Variants in TRIM28 observed in about 807,000 individuals in gnomAD.
TRIM28 encodes the protein transcription intermediary factor 1-beta.
TRIM28 carries 8 observed loss-of-function variants against 87.4 expected under a neutral mutation model. The ratio of observed to expected loss-of-function variants is 0.09; its 90% CI spans 0.05 to 0.17. The LOEUF (loss-of-function observed/expected upper bound fraction) is 0.17, where lower values mean the gene tolerates loss of function less well. Among genes scored for constraint, TRIM28 ranks in the 10% least tolerant of loss-of-function variants. The pLI is 1.00. For missense variants in TRIM28, 968 were observed against 1,131.8 expected (o/e 0.86, Z 2.08); for synonymous variants, 601 against 454.3 (o/e 1.32, Z -4.11).
In TRIM28 at chr19:58,549,328, CAGG is replaced by C; in HGVS notation, c.1669_1671del (p.Glu557del). ...TTGAACACCCCTCATCACCACCTTGCAGGAGGAGGAGACGGAGGCTGCCATTGG... is the reference window on the plus strand; with the variant it reads ...TTGAACACCCCTCATCACCACCTTGCAGGAGGAGACGGAGGCTGCCATTGG... On this transcript the variant is annotated splice_acceptor_variant and coding_sequence_variant, in exon 13 of 17. Coordinates refer to ENST00000253024, the MANE Select transcript of TRIM28 (RefSeq NM_005762.3). LOFTEE classifies it high-confidence loss of function. This position sits in a 1 kb window ranked among gnomAD's most constrained non-coding sequence, Gnocchi z 4.4. 1 of 1,566,752 alleles carries C rather than the reference CAGG, an allele frequency of 6.4e-7. No homozygotes were observed. The highest frequency in any genetic ancestry group is 8.7e-7 in the Non-Finnish European group (1 of 1,153,440).
intron 6 of TRIM28, 33 bp downstream of exon 6, chr19:58,547,939 GC>G: frequency 6.8e-6 from 11 of 1,613,808 alleles, no homozygotes; most frequent in Non-Finnish European, 9.3e-6. Context: ...GGGTCCCTGA[GC>G]CCCCTCTGCT....
rs1403463550 is a variant in TRIM28 at position 58,548,452 on chromosome 19, T to C, written c.1217-34T>C. ...CTCACTCTGTTATTACCCCACGTGC[T>C]GCACCTACTTACGTTTCTCTCTTCT... On this transcript the variant is annotated intron_variant, in intron 8 of 16. Transcript: ENST00000253024. 5 of 1,613,908 alleles carry C rather than the reference T, an allele frequency of 3.1e-6. No homozygotes were observed. The African/African-American group carries it at 6.7e-5, about 22-fold the overall frequency.
At chr19:58,548,704 G>C in intron 9 of TRIM28, 36 bp from the exon 10 acceptor site, 1 of 1,612,508 alleles carries the variant, frequency 6.2e-7, no homozygotes, top group Non-Finnish European at 8.5e-7. Flanking sequence ...TAGGGTTCCT[G>C]TCCCACTGAG....
rs766605488 is a variant in TRIM28 at position 58,550,563 on chromosome 19, C to G, written c.*10C>G. ...TGGTGATGGCCCCTGAGGCTGGAGCCCCCATGGCCAGCCCAGCCTGGCTCT... is the reference window on the plus strand; with the variant it reads ...TGGTGATGGCCCCTGAGGCTGGAGCGCCCATGGCCAGCCCAGCCTGGCTCT... On this transcript the variant is annotated 3_prime_UTR_variant, in exon 17 of 17. Transcript: ENST00000253024. 1 of 1,601,316 alleles carries G rather than the reference C, an allele frequency of 6.2e-7. No individual in the cohort carries two copies. The highest frequency in any genetic ancestry group is 8.5e-7 in the Non-Finnish European group (1 of 1,178,070).
In TRIM28 at chr19:58,545,052, G is replaced by T. The variant is rs1260907292; in HGVS notation, c.295G>T (p.Ala99Ser). ...SACLGPAAPAAANSSGDGGAA... is the reference protein window; with the variant it reads ...SACLGPAAPASANSSGDGGAA... The stretch of plus-strand genomic sequence containing the variant: ...CTGCTTAGGGCCCGCGGCCCCCGCC[G>T]CCGCCAACAGCTCGGGGGACGGCGG... The change falls in exon 1 of 17, where the codon GCC (alanine) becomes TCC (serine). Residue 99 changes from alanine (A) to serine (S), a missense_variant. Ala to Ser is a moderately conservative substitution (Grantham distance 99). This residue lies in a region of TRIM28 where 208 missense variants were observed against 170.9 expected (regional missense o/e 1.22). Transcript: ENST00000253024. 5 of 1,455,604 alleles carry T rather than the reference G, an allele frequency of 3.4e-6. No homozygotes were observed. Among genetic ancestry groups the T allele is most frequent in the Non-Finnish European group, 4.5e-6 (5 of 1,117,382 alleles). The allele number at this position is 1,455,604 out of a possible 1,614,324, so 90.2% of individuals were successfully genotyped here.
At position 58,549,414 on chromosome 19, in the gene TRIM28, G is replaced by A. The variant is rs140928692; in HGVS notation, c.1746G>A (p.Ala582=). 1.0e-5 allele frequency: 16 copies of A among 1,599,270 alleles called. No homozygotes were observed. The highest frequency in any genetic ancestry group is 3.3e-5 in the South Asian group (3 of 90,404). Residue 582 remains alanine, a synonymous_variant, in exon 13 of 17, where the codon GCG becomes GCA. Transcript: ENST00000253024. The surrounding 1 kb of genome is among the most constrained non-coding windows in gnomAD (Gnocchi z 4.4). ...PETKPVLMAL[A]EGPGAEGPRL... is the part of the protein sequence containing the mutation. ...CCAAACCTGTGCTTATGGCTCTTGC[G>A]GAGGGTCCTGGTGCTGAGGGTCCCC...
rs1283950942 is a variant in TRIM28 at position 58,549,937 on chromosome 19, C to T, written c.2107-12C>T. The T allele has an allele frequency of 1.2e-6, 2 of 1,613,908 alleles. No homozygotes were observed. The highest frequency in any genetic ancestry group is 2.2e-5 in the East Asian group (1 of 44,882). On this transcript the variant is annotated splice_polypyrimidine_tract_variant and intron_variant, in intron 14 of 16. Transcript: ENST00000253024. The surrounding 1 kb of genome is among the most constrained non-coding windows in gnomAD (Gnocchi z 4.4). ...CTGCCCAGAGCTGTGACATCCCTTA[C>T]AATGTTTGTAGAAATGTGAGCGTGT...
In TRIM28 at chr19:58,544,912, C is replaced by T. The variant is rs2053746465; in HGVS notation, c.155C>T (p.Ala52Val). ...ASASAAASSP[A>V]GGGAEALELL... ...GCCTCAGCCGCGGCGTCGTCGCCCGCGGGGGGCGGCGCCGAGGCGCTGGAG... is the reference window on the plus strand; with the variant it reads ...GCCTCAGCCGCGGCGTCGTCGCCCGTGGGGGGCGGCGCCGAGGCGCTGGAG... The change falls in exon 1 of 17, where the codon GCG becomes GTG. Residue 52 changes from alanine to valine, a missense_variant. Coordinates refer to ENST00000253024, the MANE Select transcript of TRIM28 (RefSeq NM_005762.3). 6 of 1,390,518 alleles carry T rather than the reference C, an allele frequency of 4.3e-6. No homozygotes were observed. The highest frequency in any genetic ancestry group is 3.7e-5 in the Admixed American group (1 of 27,056). 86.1% of individuals were successfully genotyped at this position (1,390,518 alleles called of 1,614,324 possible).
In TRIM28 at chr19:58,545,565, A is replaced by T. The variant is rs751710039; in HGVS notation, c.453+28A>T. 45 of 1,573,070 alleles carry T rather than the reference A, an allele frequency of 2.9e-5. 1 individual carries two copies. The Admixed American group carries it at 7.1e-4, about 25-fold the overall frequency. On this transcript the variant is annotated intron_variant, in intron 2 of 16. Coordinates refer to ENST00000253024, the MANE Select transcript of TRIM28 (RefSeq NM_005762.3). Reference sequence around the variant, plus strand: ...GCGTCCTATCTCAGCAACCACAAGGAGGTTTCTGGGGAGGGGGCATCTGCG... The same window carrying T: ...GCGTCCTATCTCAGCAACCACAAGGTGGTTTCTGGGGAGGGGGCATCTGCG...
rs1227691641 is a variant in TRIM28, at chr19:58,548,793, A to C, written c.1360+17A>C. ...TTGGGTCAGGTGAGTGGGTCTGCCT[A>C]GTGGGTGGGGAAGGGCCCCAGTGCT... is the stretch of plus-strand genomic sequence containing the variant. On this transcript the variant is annotated intron_variant, in intron 10 of 16. Transcript: ENST00000253024. 2 of 1,613,994 alleles carry C rather than the reference A, an allele frequency of 1.2e-6. No individual in the cohort carries two copies. Among genetic ancestry groups the C allele is most frequent in the Non-Finnish European group, 1.7e-6 (2 of 1,179,948 alleles).
intron 1 of TRIM28, 35 bp from the exon 2 acceptor site, chr19:58,545,390 C>A (rs748410485): frequency 7.8e-6 from 12 of 1,543,256 alleles, no homozygotes; most frequent in Non-Finnish European, 9.8e-6. Context: ...TGGGTGGGAA[C>A]TTGTAACAGT....
At chr19:58,546,837 C>G (rs568139448) in intron 3 of TRIM28, among the ~76,000 whole-genome samples, 6 of 152,052 alleles carry the variant, frequency 3.9e-5, no homozygotes, top group Non-Finnish European at 7.4e-5. Context: ...GGTGTGACCA[C>G]CATTCTGAGG....
intron 3 of TRIM28, among the ~76,000 whole-genome samples, chr19:58,546,439 G>A (rs1444718707): frequency 6.6e-6 from 1 of 152,190 alleles, no homozygotes; most frequent in Non-Finnish European, 1.5e-5. Context: ...AGAGTCTTTT[G>A]AGTCTAGCCA....
chr19:58,550,592 C>A lies in TRIM28; in HGVS notation c.*39C>A. 6.3e-7 allele frequency: 1 copy of A among 1,578,898 alleles called. No homozygotes were observed. Among genetic ancestry groups the A allele is most frequent in the South Asian group, 1.1e-5 (1 of 89,870 alleles). The stretch of plus-strand genomic sequence containing the variant: ...ATGGCCAGCCCAGCCTGGCTCTGTT[C>A]TCTGTCCTGTCACCCCATCCCCACT... On this transcript the variant is annotated 3_prime_UTR_variant, in exon 17 of 17. Transcript: ENST00000253024.
intron 3 of TRIM28, 191 bp from the exon 4 acceptor site, chr19:58,547,185 G>A: frequency 1.6e-6 from 1 of 638,386 alleles, no homozygotes; most frequent in Non-Finnish European, 2.7e-6. Flanking sequence ...CAGCTATGTT[G>A]GGGCAGAGGA....
At position 58,549,366 on chromosome 19, in the gene TRIM28, T is replaced by G. The variant is rs202037782; in HGVS notation, c.1698T>G (p.Pro566=). Residue 566 remains proline (P), a synonymous_variant, in exon 13 of 17, where the codon CCT becomes CCG. Transcript: ENST00000253024. The surrounding 1 kb of genome is among the most constrained non-coding windows in gnomAD (Gnocchi z 4.4). The stretch of plus-strand genomic sequence containing the variant: ...CGGAGGCTGCCATTGGAGCCCCTCC[T>G]ACTGCCACTGAGGGCCCTGAGACCA... ...EETEAAIGAP[P]TATEGPETKP... 208 of 1,571,102 alleles carry G rather than the reference T, an allele frequency of 1.3e-4. No individual in the cohort carries two copies. Among genetic ancestry groups the G allele is most frequent in the Middle Eastern group, 1.7e-4 (1 of 5,828 alleles).
Position 58,545,514 on chromosome 19 carries a change from A to G in TRIM28, c.430A>G (p.Thr144Ala), listed in dbSNP as rs144586805. Residue 144 changes from threonine to alanine, a missense_variant, in exon 2 of 17, where the codon ACC (threonine) becomes GCC (alanine). Transcript: ENST00000253024. ...GCGTGATAGTGGCAGCAAGGCTGCC[A>G]CCGACGCCCAGGATGCGAACCAGGT... ...FMRDSGSKAA[T>A]DAQDANQCCT... The G allele has an allele frequency of 1.9e-6, 3 of 1,597,538 alleles. No individual in the cohort carries two copies. The highest frequency in any genetic ancestry group is 2.6e-6 in the Non-Finnish European group (3 of 1,169,844).
chr19:58,550,255 A>G lies in TRIM28; in HGVS notation c.2302A>G (p.Met768Val), dbSNP rs760022634. The G allele has an allele frequency of 3.2e-5, 51 of 1,613,996 alleles. No homozygotes were observed. The highest frequency in any genetic ancestry group is 4.0e-5 in the Non-Finnish European group (47 of 1,180,012). Residue 768 changes from methionine (M) to valine (V), a missense_variant, in exon 16 of 17, where the codon ATG becomes GTG. This residue lies in a region of TRIM28 where 192 missense variants were observed against 225.6 expected (regional missense o/e 0.85). Transcript: ENST00000253024. ...PQEFAQDVGR[M>V]FKQFNKLTED... ...GGAGTTTGCCCAGGATGTGGGCCGC[A>G]TGTTCAAGCAATTCAACAAGTTAAC...
rs758388758 is a variant in TRIM28, at chr19:58,547,811, G to A, written c.859G>A (p.Val287Ile). ...VRSSIRQVSD[V>I]QKRVQVDVKM... ...CCCTAGAATCCGCCAGGTGTCTGAC[G>A]TACAGAAGCGTGTGCAAGTGGATGT... Residue 287 changes from valine (V) to isoleucine (I), a missense_variant, in exon 6 of 17, where the codon GTA becomes ATA. By Grantham distance (29) the Val-to-Ile change is conservative. Around this residue, in one of 11 missense-constraint regions of TRIM28, gnomAD observed 103 missense variants for 139.0 expected, o/e 0.74. Coordinates refer to ENST00000253024, the MANE Select transcript of TRIM28 (RefSeq NM_005762.3). 14 of 1,614,024 alleles carry A rather than the reference G, an allele frequency of 8.7e-6. No individual in the cohort carries two copies. Among genetic ancestry groups the A allele is most frequent in the African/African-American group, 2.7e-5 (2 of 74,924 alleles).
Sources: gnomAD v4.1 joint callset for allele counts (sites outside exome capture counted in the v4.1 genomes callset) on GRCh38, gnomAD v4.1.1 for gene constraint, gnomAD v4.1.1 regional missense constraint, Gnocchi (gnomAD v3.1) non-coding constraint, MANE v1.5 for transcripts, NCBI Gene and HGNC (gene_info 2026-07-23, HGNC 2026-07-21) for gene names.